UBE2E2: variants seen among roughly 807,000 people sequenced by gnomAD.
UBE2E2 encodes ubiquitin conjugating enzyme E2 E2.
UBE2E2 carries 6 observed loss-of-function variants against 24.7 expected under a neutral mutation model. The observed-to-expected ratio is 0.24, with a 90% CI of 0.13 to 0.48. The LOEUF (loss-of-function observed/expected upper bound fraction) is 0.48. UBE2E2 is among the 20% of genes least tolerant of loss of function. UBE2E2 has a pLI of 0.99. For synonymous variants in UBE2E2, 104 were observed against 83.6 expected (o/e 1.24, Z -1.33); for missense variants, 169 against 245.0 (o/e 0.69, Z 2.07).
rs147078424 is a variant in UBE2E2, at chr3:23,301,251, A to G, written c.227+83939A>G. ...CGTATTTCCTCCTGTAGCTCAGAGTAGTTTGATTGTCTGAAGCCTTCTTCT... is the reference window on the plus strand; with the variant it reads ...CGTATTTCCTCCTGTAGCTCAGAGTGGTTTGATTGTCTGAAGCCTTCTTCT... On this transcript the variant is annotated intron_variant, in intron 3 of 5. Transcript: ENST00000396703. 5.7e-4 allele frequency among the ~76,000 whole-genome samples: 87 copies of G among 152,260 alleles called. 3 individuals carry two copies. The East Asian group carries it at 0.015, about 27-fold the overall frequency.
At chr3:23,325,449 C>G (rs1034278699) in intron 3 of UBE2E2, among the ~76,000 whole-genome samples, 5 of 152,142 alleles carry the variant, frequency 3.3e-5, no homozygotes, top group African/African-American at 4.8e-5. Context: ...AGTGATGACT[C>G]TTAAGATTTT....
chr3:23,371,972 G>A (rs559703671), intron 3 of UBE2E2, among the ~76,000 whole-genome samples: 3 of 151,946 alleles, frequency 2.0e-5, no homozygotes, highest in Non-Finnish European at 4.4e-5. Flanking sequence ...ATAAAAATTA[G>A]CCGGCTGTGG....
chr3:23,360,895 A>T (rs1030880687), intron 3 of UBE2E2, among the ~76,000 whole-genome samples: 5 of 151,944 alleles, frequency 3.3e-5, no homozygotes, highest in Admixed American at 6.6e-5. Flanking sequence ...CAGAGTAAAC[A>T]GACAACCCAC....
chr3:23,576,298 G>A (rs1050160946), intron 5 of UBE2E2, among the ~76,000 whole-genome samples: 13 of 152,152 alleles, frequency 8.5e-5, no homozygotes, highest in African/African-American at 1.2e-4. Flanking sequence ...CTTGGGGAGC[G>A]AAAAGAATAA....
At chr3:23,268,970 TA>T (rs1448076551) in intron 3 of UBE2E2, among the ~76,000 whole-genome samples, 7 of 151,966 alleles carry the variant, frequency 4.6e-5, no homozygotes, top group African/African-American at 1.7e-4. Context: ...CCCTATTTAA[TA>T]AATGGTGCTG....
intron 5 of UBE2E2, among the ~76,000 whole-genome samples, chr3:23,535,944 A>G (rs1451375265): frequency 6.6e-6 from 1 of 152,130 alleles, no homozygotes; most frequent in Admixed American, 6.5e-5. Flanking sequence ...GTTAGACGTT[A>G]CCTGGCTTTT....
intron 3 of UBE2E2, among the ~76,000 whole-genome samples, chr3:23,259,075 T>C (rs1262911269): frequency 6.6e-6 from 1 of 152,124 alleles, no homozygotes; most frequent in African/African-American, 2.4e-5. Context: ...CTTTTAAAAT[T>C]GAACATTGTA....
At chr3:23,421,529 C>A (rs1049807694) in intron 3 of UBE2E2, among the ~76,000 whole-genome samples, 2 of 152,218 alleles carry the variant, frequency 1.3e-5, no homozygotes, top group Admixed American at 1.3e-4. Flanking sequence ...GTCCCAGCCT[C>A]CCGAGTAGCT....
intron 5 of UBE2E2, among the ~76,000 whole-genome samples, chr3:23,561,918 T>G (rs534656679): frequency 2.9e-3 from 446 of 152,332 alleles, no homozygotes; most frequent in African/African-American, 0.01. Flanking sequence ...ACATTGATTT[T>G]GTATCCTGAG....
chr3:23,456,094 A>G (rs1165924454), intron 3 of UBE2E2, among the ~76,000 whole-genome samples: 1 of 152,246 alleles, frequency 6.6e-6, no homozygotes, highest in East Asian at 1.9e-4. Context: ...AGTAGATTCC[A>G]TCTTAAGTAA....
chr3:23,277,558 G>A (rs1422919279), intron 3 of UBE2E2, among the ~76,000 whole-genome samples: 1 of 152,092 alleles, frequency 6.6e-6, no homozygotes, highest in African/African-American at 2.4e-5. Context: ...TCATTGCAAA[G>A]TAATCATTTC....
Position 23,514,336 on chromosome 3 carries a change from T to A in UBE2E2, c.360+14596T>A, listed in dbSNP as rs1694678558. 2.0e-5 allele frequency among the ~76,000 whole-genome samples: 3 copies of A among 152,220 alleles called. No individual in the cohort carries two copies. The South Asian group carries it at 6.2e-4, about 31-fold the overall frequency. ...CTAAGATCCAAAGACCTTATGTGCC[T>A]TACAGTACCTGGCAGATATGATTGA... On this transcript the variant is annotated intron_variant, in intron 4 of 5. Coordinates refer to ENST00000396703, the MANE Select transcript of UBE2E2 (RefSeq NM_152653.4).
intron 3 of UBE2E2, among the ~76,000 whole-genome samples, chr3:23,377,016 G>A (rs1042905536): frequency 5.3e-4 from 80 of 152,126 alleles, no homozygotes; most frequent in Admixed American, 5.2e-3. Context: ...TCATTTCACA[G>A]CAACATAACA....
chr3:23,364,061 A>T (rs1696196323), intron 3 of UBE2E2, among the ~76,000 whole-genome samples: 1 of 152,214 alleles, frequency 6.6e-6, no homozygotes, highest in African/African-American at 2.4e-5. Context: ...AAACAATGAA[A>T]TTAAGGCAGA....
At chr3:23,565,041 G>A (rs151144613) in intron 5 of UBE2E2, among the ~76,000 whole-genome samples, 190 of 152,148 alleles carry the variant, frequency 1.2e-3, no homozygotes, top group Middle Eastern at 6.8e-3. Flanking sequence ...TTGAAGAACC[G>A]AAAATTCCTC....
At chr3:23,299,995 T>A (rs1699026192) in intron 3 of UBE2E2, among the ~76,000 whole-genome samples, 1 of 152,124 alleles carries the variant, frequency 6.6e-6, no homozygotes. Context: ...ATATTTAGGA[T>A]AGTTAGCTCT....
intron 3 of UBE2E2, among the ~76,000 whole-genome samples, chr3:23,299,234 G>A (rs1699002672): frequency 6.6e-6 from 1 of 152,130 alleles, no homozygotes; most frequent in East Asian, 1.9e-4. Flanking sequence ...CAAAAAACCA[G>A]CTCCTGGTTT....
chr3:23,304,609 A>C (rs1699191948), intron 3 of UBE2E2, among the ~76,000 whole-genome samples: 1 of 152,212 alleles, frequency 6.6e-6, no homozygotes, highest in African/African-American at 2.4e-5. Flanking sequence ...GTATGTGAAG[A>C]ATATCCTCAC....
intron 3 of UBE2E2, among the ~76,000 whole-genome samples, chr3:23,350,126 G>A (rs1480614567): frequency 6.6e-6 from 1 of 152,172 alleles, no homozygotes; most frequent in African/African-American, 2.4e-5. Context: ...AGGCAAACAG[G>A]GTCTGGAGTG....
Sources: gnomAD v4.1 joint callset for allele counts (sites outside exome capture counted in the v4.1 genomes callset) on GRCh38, gnomAD v4.1.1 for gene constraint, MANE v1.5 for transcripts, NCBI Gene and HGNC (gene_info 2026-07-23, HGNC 2026-07-21) for gene names.